FLCN: variants seen among roughly 807,000 people sequenced by gnomAD.
FLCN encodes BHD skin lesion fibrofolliculoma protein.
In FLCN, 22 loss-of-function variants were observed where a neutral mutation model predicts 62.5. The ratio of observed to expected loss-of-function variants is 0.35; its 90% CI spans 0.25 to 0.50. FLCN has a LOEUF of 0.50. FLCN is among the 20% of genes least tolerant of loss of function. The pLI, the probability that FLCN is intolerant of heterozygous loss-of-function variation, is 0.97. For synonymous variants in FLCN, 319 were observed against 310.0 expected (o/e 1.03, Z -0.30); for missense variants, 657 against 778.0 (o/e 0.84, Z 1.85).
chr17:17,215,992 C>T lies in FLCN; in HGVS notation c.1300+388G>A, dbSNP rs139685280. Among the ~76,000 whole-genome samples, 28 of 152,306 alleles carry T rather than the reference C, an allele frequency of 1.8e-4. No homozygotes were observed. The East Asian group carries it at 4.4e-3, about 24-fold the overall frequency. The stretch of plus-strand genomic sequence containing the variant: ...GGCTGGAGGAGAGCAGAAGTCAGGA[C>T]AGGGGAACAGTAGAAGAGTGAGGAG... On this transcript the variant is annotated intron_variant, in intron 11 of 13. Coordinates refer to ENST00000285071, the MANE Select transcript of FLCN (RefSeq NM_144997.7).
intron 9 of FLCN, among the ~76,000 whole-genome samples, chr17:17,218,386 C>CTTTT (rs11464784): frequency 4.6e-5 from 6 of 129,968 alleles, no homozygotes; most frequent in Admixed American, 8.1e-5. Context: ...CCATCACTTT[C>CTTTT]TTTTTTTTTT....
intron 3 of FLCN, among the ~76,000 whole-genome samples, chr17:17,231,199 AAAT>A (rs2047411708): frequency 6.6e-6 from 1 of 152,236 alleles, no homozygotes; most frequent in Admixed American, 6.5e-5. Flanking sequence ...CTCCGTCTCA[AAAT>A]AAATAATGAA....
chr17:17,214,309 C>T (rs1011318609), intron 13 of FLCN, among the ~76,000 whole-genome samples: 7 of 150,784 alleles, frequency 4.6e-5, no homozygotes, highest in African/African-American at 1.2e-4. Context: ...AAAAAAAACC[C>T]GGGGGGCCAG....
chr17:17,221,704 C>A lies in FLCN; in HGVS notation c.780-76G>T, dbSNP rs1265656070. The A allele has an allele frequency of 2.0e-6, 3 of 1,498,282 alleles. No individual in the cohort carries two copies. In the South Asian group the frequency reaches 3.5e-5, roughly 18 times the overall value. 92.8% of individuals were successfully genotyped at this position (1,498,282 alleles called of 1,614,324 possible). On this transcript the variant is annotated intron_variant, in intron 7 of 13. Coordinates refer to ENST00000285071, the MANE Select transcript of FLCN (RefSeq NM_144997.7). ...ACCTGACGCTCACCCAGCCCCTGATCCTACCAGTTTAAAGAAAAAATGGGT... is the reference window on the plus strand; with the variant it reads ...ACCTGACGCTCACCCAGCCCCTGATACTACCAGTTTAAAGAAAAAATGGGT...
intron 5 of FLCN, 92 bp downstream of exon 5, chr17:17,226,084 C>G: frequency 6.4e-7 from 1 of 1,565,576 alleles, no homozygotes; most frequent in Non-Finnish European, 8.7e-7. Context: ...CCAGTGCCTG[C>G]CTCCCTGTGC....
At chr17:17,223,403 A>G (rs574996796) in intron 6 of FLCN, among the ~76,000 whole-genome samples, 1 of 147,258 alleles carries the variant, frequency 6.8e-6, no homozygotes, top group South Asian at 2.2e-4. Flanking sequence ...TAGGGGAAGC[A>G]TTTTCATATG....
intron 11 of FLCN, 84 bp from the exon 12 acceptor site, chr17:17,215,400 G>T (rs182155450): frequency 1.0e-5 from 16 of 1,599,374 alleles, no homozygotes; most frequent in Non-Finnish European, 1.2e-5. Flanking sequence ...GCCCCACTCC[G>T]CTCATCCCAG....
At position 17,217,180 on chromosome 17, in the gene FLCN, G is replaced by A; in HGVS notation, c.1065C>T (p.Val355=). 6.2e-7 allele frequency: 1 copy of A among 1,609,528 alleles called. No individual in the cohort carries two copies. Among genetic ancestry groups the A allele is most frequent in the South Asian group, 1.1e-5 (1 of 91,004 alleles). ...VFKSLRHMRQ[V]LGAPSFRMLA... is the part of the protein sequence containing the mutation. ...GCATGCGGAAAGAAGGGGCACCCAG[G>A]ACCTAAACAAGAGAGTGCAGTGCTT... is the stretch of plus-strand genomic sequence containing the variant. Residue 355 remains valine, a splice_region_variant and synonymous_variant, in exon 10 of 14, where the codon GTC becomes GTT. Transcript: ENST00000285071.
intron 3 of FLCN, among the ~76,000 whole-genome samples, chr17:17,231,098 G>A (rs945739234): frequency 1.8e-4 from 27 of 152,246 alleles, no homozygotes; most frequent in African/African-American, 6.5e-4. Flanking sequence ...TACTCAAGAG[G>A]CTGAGGCGGG....
chr17:17,225,903 A>G (rs923221441), intron 5 of FLCN: 1 of 581,050 alleles, frequency 1.7e-6, no homozygotes, highest in African/African-American at 1.9e-5. Flanking sequence ...AAAGAAAACA[A>G]TAATAATAAA....
chr17:17,222,086 C>T (rs2047108306), intron 7 of FLCN, among the ~76,000 whole-genome samples: 1 of 151,046 alleles, frequency 6.6e-6, no homozygotes, highest in Admixed American at 6.6e-5. Flanking sequence ...CCTGTAATCC[C>T]AGCACTCTGG....
chr17:17,231,116 C>T (rs1258926376), intron 3 of FLCN, among the ~76,000 whole-genome samples: 2 of 152,160 alleles, frequency 1.3e-5, no homozygotes, highest in Non-Finnish European at 2.9e-5. Flanking sequence ...GGGAGAATTG[C>T]TTGAACCTAG....
At chr17:17,228,352 C>A in intron 3 of FLCN, 191 bp from the exon 4 acceptor site, 1 of 627,910 alleles carries the variant, frequency 1.6e-6, no homozygotes, top group South Asian at 2.0e-5. Flanking sequence ...TAGGATCTTC[C>A]CATGGGAGTC....
At chr17:17,218,562 AAT>A (rs1465456957) in intron 9 of FLCN, among the ~76,000 whole-genome samples, 2 of 151,688 alleles carry the variant, frequency 1.3e-5, no homozygotes, top group Non-Finnish European at 2.9e-5. Context: ...TTTTTGTATT[AAT>A]AGAGATGGGG....
At chr17:17,220,420 T>C (rs1288199760) in intron 8 of FLCN, 1 of 152,254 alleles carries the variant, frequency 6.6e-6, no homozygotes, top group Non-Finnish European at 1.5e-5. Flanking sequence ...TATCTCCATT[T>C]CACAGATGAA....
At chr17:17,226,554 C>G (rs1316407846) in intron 4 of FLCN, among the ~76,000 whole-genome samples, 1 of 152,166 alleles carries the variant, frequency 6.6e-6, no homozygotes, top group African/African-American at 2.4e-5. Flanking sequence ...TGAGCACTTA[C>G]GAAGTAGGTA....
chr17:17,237,228 G>A (rs528992144), upstream of FLCN: 1 of 152,228 alleles, frequency 6.6e-6, no homozygotes, highest in African/African-American at 2.4e-5. Flanking sequence ...GTGGGGGTGC[G>A]GGAGCCGTCC....
intron 6 of FLCN, among the ~76,000 whole-genome samples, chr17:17,223,687 G>C (rs1257395621): frequency 6.6e-6 from 1 of 152,254 alleles, no homozygotes; most frequent in East Asian, 1.9e-4. Context: ...AAAGAAACCA[G>C]AGCTGAGCGA....
chr17:17,232,045 G>T (rs1329629476), intron 2 of FLCN, among the ~76,000 whole-genome samples, 163 bp from the exon 3 acceptor site: 2 of 152,248 alleles, frequency 1.3e-5, no homozygotes, highest in Admixed American at 6.5e-5. Flanking sequence ...AGGCAGACAG[G>T]CAGCGGGAGA....
Sources: allele counts gnomAD v4.1 joint callset (sites outside exome capture counted in the v4.1 genomes callset), GRCh38; gene constraint gnomAD v4.1.1; transcripts MANE v1.5; gene names NCBI Gene and HGNC (gene_info 2026-07-23, HGNC 2026-07-21).